The following FGF12 variants were observed in gnomAD, a reference collection of about 807,000 sequenced individuals.
FGF12 encodes fibroblast growth factor 12.
A neutral mutation model predicts 23.6 loss-of-function variants in FGF12; 14 were observed. The observed-to-expected ratio is 0.59, with a 90% CI of 0.39 to 0.93. The LOEUF (loss-of-function observed/expected upper bound fraction) is 0.93. Ranked by LOEUF, FGF12 falls within the 40% of genes least tolerant of loss-of-function variation. The pLI is 0.00. For missense variants in FGF12, 175 were observed against 217.8 expected, an observed-to-expected ratio of 0.80 and a Z score of 1.24; for synonymous variants, 62 against 77.3, an observed-to-expected ratio of 0.80 and a Z score of 1.04.
chr3:192,333,977 C>T (rs1717260977), intron 4 of FGF12, among the ~76,000 whole-genome samples: 1 of 151,972 alleles, frequency 6.6e-6, no homozygotes, highest in Non-Finnish European at 1.5e-5. Context: ...ATACAATGAG[C>T]TGGGACAAAG....
intron 2 of FGF12, among the ~76,000 whole-genome samples, chr3:192,582,096 G>A (rs2108614960): frequency 6.6e-6 from 1 of 151,080 alleles, no homozygotes; most frequent in African/African-American, 2.4e-5. Flanking sequence ...CTGTACAGAT[G>A]TTAACCTGGT....
chr3:192,639,566 C>T (rs1301804908), intron 2 of FGF12, among the ~76,000 whole-genome samples: 1 of 152,154 alleles, frequency 6.6e-6, no homozygotes, highest in Non-Finnish European at 1.5e-5. Flanking sequence ...CCATCATCAA[C>T]AAATAGATAA....
At chr3:192,401,345 T>A (rs1025780600) in intron 2 of FGF12, among the ~76,000 whole-genome samples, 4 of 152,230 alleles carry the variant, frequency 2.6e-5, no homozygotes, top group Admixed American at 2.0e-4. Context: ...TAGTACCTTT[T>A]ACAGATGATT....
At position 192,555,799 on chromosome 3, in the gene FGF12, G is replaced by A. The variant is rs116851240; in HGVS notation, c.13+171382C>T. Among the ~76,000 whole-genome samples, 46 of 151,004 alleles carry A rather than the reference G, an allele frequency of 3.0e-4. 1 individual carries two copies. The East Asian group carries it at 8.0e-3, about 26-fold the overall frequency. On this transcript the variant is annotated intron_variant, in intron 2 of 5. Transcript: ENST00000445105. ...GATGACAAGAGGAAAACTCCATCTC[G>A]GGGAAAAAAAAAAAAGATGTAATTT... is the stretch of plus-strand genomic sequence containing the variant.
intron 3 of FGF12, among the ~76,000 whole-genome samples, chr3:192,347,377 T>C (rs1718013624): frequency 6.6e-6 from 1 of 152,154 alleles, no homozygotes; most frequent in Non-Finnish European, 1.5e-5. Context: ...TTTAACACAA[T>C]TACAATGCAG....
At chr3:192,427,743 A>C (rs1253921160) in intron 2 of FGF12, among the ~76,000 whole-genome samples, 1 of 152,174 alleles carries the variant, frequency 6.6e-6, no homozygotes. Flanking sequence ...CCCTGGTACC[A>C]TTCTGAGAGA....
At chr3:192,164,962 T>A (rs1715080490) in intron 5 of FGF12, among the ~76,000 whole-genome samples, 1 of 152,174 alleles carries the variant, frequency 6.6e-6, no homozygotes, top group Non-Finnish European at 1.5e-5. Context: ...ATTTATTCAC[T>A]TATTTTTGGG....
At chr3:192,414,457 A>T (rs1651077125) in intron 2 of FGF12, among the ~76,000 whole-genome samples, 1 of 152,202 alleles carries the variant, frequency 6.6e-6, no homozygotes, top group African/African-American at 2.4e-5. Flanking sequence ...ACAAAACACC[A>T]TGAATAATTA....
chr3:192,230,231 T>G (rs1211809994), intron 4 of FGF12, among the ~76,000 whole-genome samples: 3 of 152,160 alleles, frequency 2.0e-5, no homozygotes, highest in Non-Finnish European at 4.4e-5. Flanking sequence ...ATATTAAAAA[T>G]GTTTTGATAT....
chr3:192,444,407 C>G (rs1049951034), intron 2 of FGF12, among the ~76,000 whole-genome samples: 1 of 150,274 alleles, frequency 6.7e-6, no homozygotes, highest in Non-Finnish European at 1.5e-5. Flanking sequence ...TTGTTTGTTC[C>G]TTTTGTCTTT....
chr3:192,625,895 T>C (rs897279386), intron 2 of FGF12, among the ~76,000 whole-genome samples: 1 of 152,150 alleles, frequency 6.6e-6, no homozygotes, highest in Non-Finnish European at 1.5e-5. Flanking sequence ...TTTCCCAAGA[T>C]CCCAAGGTTA....
chr3:192,429,886 A>G (rs1399725699), intron 2 of FGF12, among the ~76,000 whole-genome samples: 1 of 152,222 alleles, frequency 6.6e-6, no homozygotes, highest in Non-Finnish European at 1.5e-5. Context: ...TGCAACAAAC[A>G]AATACACTTC....
intron 4 of FGF12, among the ~76,000 whole-genome samples, chr3:192,196,444 A>G (rs962558573): frequency 1.4e-4 from 21 of 152,196 alleles, no homozygotes; most frequent in African/African-American, 4.6e-4. Context: ...AAAGATCATT[A>G]TAAACAATAG....
At chr3:192,342,064 C>G (rs1448959220) in intron 3 of FGF12, among the ~76,000 whole-genome samples, 1 of 152,150 alleles carries the variant, frequency 6.6e-6, no homozygotes, top group Non-Finnish European at 1.5e-5. Flanking sequence ...AGACTTTTAT[C>G]TGTGAATCTT....
In FGF12 at chr3:192,645,767, TAAAAAAAAAA is replaced by T. The variant is rs55809400; in HGVS notation, c.13+81404_13+81413del. ...AGGATACAGCAGTTGACAAAACAGG[TAAAAAAAAAA>T]AAAAAAAAAAAAAAAAAAGTCTAGC... On this transcript the variant is annotated intron_variant, in intron 2 of 5. Coordinates refer to ENST00000445105, the MANE Select transcript of FGF12 (RefSeq NM_004113.6). Among the ~76,000 whole-genome samples, 505 of 71,072 alleles carry T rather than the reference TAAAAAAAAAA, an allele frequency of 7.1e-3. 10 individuals carry two copies. Among genetic ancestry groups the T allele is most frequent in the African/African-American group, 0.025 (490 of 19,796 alleles). 46.6% of individuals were successfully genotyped at this position (71,072 alleles called of 152,430 possible).
intron 2 of FGF12, among the ~76,000 whole-genome samples, chr3:192,678,220 C>A (rs1365781329): frequency 1.3e-5 from 2 of 152,216 alleles, no homozygotes; most frequent in African/African-American, 4.8e-5. Flanking sequence ...GGTACTCTTA[C>A]TATTCCCACC....
chr3:192,724,699 A>C (rs1421693824), intron 2 of FGF12, among the ~76,000 whole-genome samples: 1 of 152,230 alleles, frequency 6.6e-6, no homozygotes, highest in African/African-American at 2.4e-5. Context: ...CCTGTATGAC[A>C]GGGAGTGATG....
chr3:192,476,283 C>T (rs575257015), intron 2 of FGF12, among the ~76,000 whole-genome samples: 1 of 152,084 alleles, frequency 6.6e-6, no homozygotes, highest in South Asian at 2.1e-4. Context: ...TTAGTTCTTA[C>T]CTATGAGGAA....
chr3:192,459,374 C>A (rs541899013), intron 2 of FGF12, among the ~76,000 whole-genome samples: 9 of 152,214 alleles, frequency 5.9e-5, no homozygotes, highest in Non-Finnish European at 1.2e-4. Context: ...GATTCTCTTT[C>A]ATTTCAAAAG....
Sources: allele counts gnomAD v4.1 joint callset (sites outside exome capture counted in the v4.1 genomes callset), GRCh38; gene constraint gnomAD v4.1.1; transcripts MANE v1.5; gene names NCBI Gene and HGNC (gene_info 2026-07-23, HGNC 2026-07-21).